The following NEK2 variants were observed in gnomAD, a reference collection of about 807,000 sequenced individuals.
NEK2 encodes the protein NIMA related kinase 2, also known as serine/threonine-protein kinase Nek2.
In NEK2, 28 loss-of-function variants were observed where a neutral mutation model predicts 54.1. The observed-to-expected ratio is 0.52, with a 90% CI of 0.38 to 0.71. The LOEUF (loss-of-function observed/expected upper bound fraction) is 0.71. NEK2 is among the 30% of genes least tolerant of loss of function. NEK2 has a pLI of 0.00. For synonymous variants in NEK2, 176 were observed against 193.1 expected, an observed-to-expected ratio of 0.91 and a Z score of 0.73; for missense variants, 407 against 531.5, an observed-to-expected ratio of 0.77 and a Z score of 2.30.
chr1:211,673,546 T>G lies in NEK2; in HGVS notation c.492A>C (p.Arg164Ser). The G allele has an allele frequency of 6.2e-7, 1 of 1,614,092 alleles. No homozygotes were observed. The highest frequency in any genetic ancestry group is 8.5e-7 in the Non-Finnish European group (1 of 1,179,932). The change falls in exon 3 of 8, where the codon AGA becomes AGC. Residue 164 changes from arginine to serine, a missense_variant. By Grantham distance (110) the Arg-to-Ser change is moderately radical. Transcript: ENST00000366999. ...NVKLGDFGLA[R>S]ILNHDTSFAK... ...CAAAACTCGTGTCATGGTTTAATAT[T>G]CTAGCTAGCCCAAAGTCTCCAAGCT...
In NEK2 at chr1:211,669,189, C is replaced by T. The variant is rs1264927337; in HGVS notation, c.909G>A (p.Leu303=). Reference sequence around the variant, plus strand: ...GAATTTCCTTCAGTTTCAGCTCACTCAATACAGGGCTGGAATCCTGCGATT... The same window carrying T: ...GAATTTCCTTCAGTTTCAGCTCACTTAATACAGGGCTGGAATCCTGCGATT... ...PEKSQDSSPV[L]SELKLKEIQL... is the part of the protein sequence containing the mutation. The change falls in exon 6 of 8, where the codon TTG becomes TTA. Residue 303 remains leucine, a synonymous_variant. Transcript: ENST00000366999. 6.2e-7 allele frequency: 1 copy of T among 1,614,000 alleles called. No individual in the cohort carries two copies. The highest frequency in any genetic ancestry group is 1.1e-5 in the South Asian group (1 of 91,070).
chr1:211,663,468 T>G lies in NEK2; in HGVS notation c.1296A>C (p.Lys432Asn). Residue 432 changes from lysine (K) to asparagine (N), a missense_variant, in exon 8 of 8, where the codon AAA (lysine) becomes AAC (asparagine). Physicochemically the swap from Lys to Asn is moderately conservative, Grantham distance 94. Coordinates refer to ENST00000366999, the MANE Select transcript of NEK2 (RefSeq NM_002497.4). Reference protein sequence around the residue: ...LRAQALSDIEKNYQLKSRQIL... With the variant: ...LRAQALSDIENNYQLKSRQIL... ...TCTGTCTGCTTTTCAGTTGGTAATT[T>G]TTCTCAATATCTGACAGGGCTTGAG... 6.2e-7 allele frequency: 1 copy of G among 1,613,880 alleles called. No individual in the cohort carries two copies. The highest frequency in any genetic ancestry group is 8.5e-7 in the Non-Finnish European group (1 of 1,179,828).
intron 2 of NEK2, among the ~76,000 whole-genome samples, 190 bp from the exon 3 acceptor site, chr1:211,673,913 C>T (rs1255524865): frequency 6.6e-6 from 1 of 152,132 alleles, no homozygotes; most frequent in Non-Finnish European, 1.5e-5. Context: ...CAGCCTCGAC[C>T]TCCCAGGCTC....
downstream of NEK2, among the ~76,000 whole-genome samples, chr1:211,662,549 A>G (rs1655041957): frequency 6.6e-6 from 1 of 152,154 alleles, no homozygotes; most frequent in Admixed American, 6.6e-5. This position sits in a 1 kb window ranked among gnomAD's most constrained non-coding sequence, Gnocchi z 4.2. Context: ...GCCCCCAGAC[A>G]TTGCCAAACG....
chr1:211,670,331 G>T lies in NEK2; in HGVS notation c.715C>A (p.Arg239Ser), dbSNP rs763642279. The change falls in exon 5 of 8, where the codon CGT (arginine) becomes AGT (serine). Residue 239 changes from arginine to serine, a missense_variant. Coordinates refer to ENST00000366999, the MANE Select transcript of NEK2 (RefSeq NM_002497.4). ...REGKFRRIPY[R>S]YSDELNEIIT... ...ATTTCATTCAATTCATCAGAGTAAC[G>T]GTATGGAATTCGCCTGAATTTGCCT... 4.3e-6 allele frequency: 7 copies of T among 1,612,434 alleles called. No homozygotes were observed. Among genetic ancestry groups the T allele is most frequent in the Middle Eastern group, 1.7e-4 (1 of 6,002 alleles).
intron 5 of NEK2, 67 bp downstream of exon 5, chr1:211,670,214 G>C: frequency 3.4e-6 from 5 of 1,451,878 alleles, no homozygotes; most frequent in Non-Finnish European, 4.7e-6. Flanking sequence ...ATCTACAAGA[G>C]AGAATGTATG....
rs12031285 is a variant in NEK2, at chr1:211,663,447, T to C, written c.1317A>G (p.Arg439=). 0.25 allele frequency: 401,053 copies of C among 1,612,166 alleles called. 51,490 individuals carry two copies. The highest frequency in any genetic ancestry group is 0.37 in the African/African-American group (27,924 of 74,918). ...DIEKNYQLKS[R]QILGMR Reference sequence around the variant, plus strand: ...CTGGCTAGCGCATGCCCAGGATCTGTCTGCTTTTCAGTTGGTAATTTTTCT... The same window carrying C: ...CTGGCTAGCGCATGCCCAGGATCTGCCTGCTTTTCAGTTGGTAATTTTTCT... Residue 439 remains arginine, a synonymous_variant, in exon 8 of 8, where the codon AGA becomes AGG. Coordinates refer to ENST00000366999, the MANE Select transcript of NEK2 (RefSeq NM_002497.4).
At chr1:211,663,887 T>C (rs1655093593) in intron 7 of NEK2, among the ~76,000 whole-genome samples, 1 of 152,188 alleles carries the variant, frequency 6.6e-6, no homozygotes, top group Non-Finnish European at 1.5e-5. Flanking sequence ...AACATAAGTT[T>C]TATTCTCTTA....
downstream of NEK2, chr1:211,658,832 T>C (rs1654948122): frequency 3.8e-6 from 1 of 259,780 alleles, no homozygotes; most frequent in African/African-American, 2.3e-5. Flanking sequence ...CCCAGTTTTA[T>C]GCCTTTGGTC....
At chr1:211,669,557 T>C (rs1386010388) in intron 5 of NEK2, 18 of 531,648 alleles carry the variant, frequency 3.4e-5, no homozygotes, top group African/African-American at 5.7e-5. Context: ...TTTTCCCTTT[T>C]CCCCTTTTCA....
intron 7 of NEK2, among the ~76,000 whole-genome samples, chr1:211,664,791 A>G (rs1421620335): frequency 1.3e-5 from 2 of 152,250 alleles, no homozygotes; most frequent in Admixed American, 6.5e-5. Flanking sequence ...TTACATTTGT[A>G]AGTCAACATT....
chr1:211,664,254 A>C (rs147543647), intron 7 of NEK2, among the ~76,000 whole-genome samples: 95 of 152,270 alleles, frequency 6.2e-4, no homozygotes, highest in Middle Eastern at 3.4e-3. Context: ...AATAAATAAT[A>C]ATCATATTTA....
rs1655208403 is a variant in NEK2 at position 211,667,223 on chromosome 1, G to A, written c.994C>T (p.Gln332Ter). 1 of 1,584,232 alleles carries A rather than the reference G, an allele frequency of 6.3e-7. No homozygotes were observed. Among genetic ancestry groups the A allele is most frequent in the Admixed American group, 1.9e-5 (1 of 53,084 alleles). Residue 332 changes from glutamine (Q) to a stop codon, truncating the protein, a stop_gained, in exon 7 of 8, where the codon CAG becomes TAG. Transcript: ENST00000366999. LOFTEE classifies it high-confidence loss of function. ...AREERLEQKEQELCVRERLAE... is the reference protein window; with the variant it reads ...AREERLEQKE ...AGTCTCTCACGAACACAAAGCTCCT[G>A]TTCTTTCTCTTTAAAAAGAGAATGG...
At chr1:211,661,171 G>A, downstream of NEK2, 2 of 737,482 alleles carry the variant, frequency 2.7e-6, no homozygotes, top group African/African-American at 1.7e-5. Context: ...TCCTCAGTCA[G>A]CACCCTAACA....
At chr1:211,673,187 T>C (rs904116061) in intron 3 of NEK2, among the ~76,000 whole-genome samples, 18 of 152,064 alleles carry the variant, frequency 1.2e-4, no homozygotes, top group African/African-American at 3.6e-4. Flanking sequence ...GGTGAGCAGA[T>C]CGCTTGAGGT....
chr1:211,666,900 C>T lies in NEK2; in HGVS notation c.1111+206G>A, dbSNP rs544947091. 8 of 1,326,922 alleles carry T rather than the reference C, an allele frequency of 6.0e-6. No individual in the cohort carries two copies. The East Asian group carries it at 2.4e-4, about 40-fold the overall frequency. The allele number at this position is 1,326,922 out of a possible 1,614,324, so 82.2% of individuals were successfully genotyped here. On this transcript the variant is annotated intron_variant, in intron 7 of 7. Transcript: ENST00000366999. ...AAATCAAACATGAAATTCTATGACT[C>T]ATTGCCTCAGGTCTATGAACCCAGG...
At chr1:211,665,481 CT>C (rs1406431712) in intron 7 of NEK2, among the ~76,000 whole-genome samples, 1 of 152,186 alleles carries the variant, frequency 6.6e-6, no homozygotes, top group East Asian at 1.9e-4. Context: ...TGTAAATAAA[CT>C]CTTTAACCGA....
Position 211,663,621 on chromosome 1 carries a change from C to G in NEK2, c.1143G>C (p.Lys381Asn), listed in dbSNP as rs753898563. ...TTTCCCCACTGAAATGAACTTTCTT[C>G]TTAATTACTGAGGATGGAAGATTAA... Reference protein sequence around the residue: ...ELLNLPSSVIKKKVHFSGESK... With the variant: ...ELLNLPSSVINKKVHFSGESK... Residue 381 changes from lysine (K) to asparagine (N), a missense_variant, in exon 8 of 8, where the codon AAG becomes AAC. Physicochemically the swap from Lys to Asn is moderately conservative, Grantham distance 94. Transcript: ENST00000366999. The G allele has an allele frequency of 1.4e-5, 22 of 1,613,594 alleles. No individual in the cohort carries two copies. Among genetic ancestry groups the G allele is most frequent in the Middle Eastern group, 1.7e-4 (1 of 6,034 alleles).
intron 7 of NEK2, among the ~76,000 whole-genome samples, chr1:211,665,494 C>T (rs1655149545): frequency 1.3e-5 from 2 of 152,178 alleles, no homozygotes; most frequent in Non-Finnish European, 2.9e-5. Flanking sequence ...TTTAACCGAA[C>T]AGCCATCCCC....
Sources: gnomAD v4.1 joint callset for allele counts (sites outside exome capture counted in the v4.1 genomes callset) on GRCh38, gnomAD v4.1.1 for gene constraint, Gnocchi (gnomAD v3.1) non-coding constraint, MANE v1.5 for transcripts, NCBI Gene and HGNC (gene_info 2026-07-23, HGNC 2026-07-21) for gene names.